The following INPP5D variants were observed in gnomAD, a reference collection of about 807,000 sequenced individuals.
INPP5D encodes inositol polyphosphate-5-phosphatase D.
In INPP5D, 33 loss-of-function variants were observed where a neutral mutation model predicts 122.9. The ratio of observed to expected loss-of-function variants is 0.27; its 90% CI spans 0.20 to 0.36. INPP5D has a LOEUF of 0.36. Among genes scored for constraint, INPP5D ranks in the 10% least tolerant of loss-of-function variants. The pLI is 1.00. For synonymous variants in INPP5D, 584 were observed against 576.2 expected (o/e 1.01, Z -0.19); for missense variants, 1,053 against 1,412.7 (o/e 0.75, Z 4.08).
intron 9 of INPP5D, among the ~76,000 whole-genome samples, chr2:233,155,640 AAATAAATAAATAAATAAAT>A (rs780231809): frequency 0.3 from 8,144 of 27,400 alleles, 460 homozygotes; most frequent in East Asian, 0.51. Flanking sequence ...ATAAATAAAT[AAATAAATAAATAAATAAAT>A]AATAAATAAA....
intron 22 of INPP5D, among the ~76,000 whole-genome samples, chr2:233,192,156 C>A (rs1257893169): frequency 6.6e-6 from 1 of 152,114 alleles, no homozygotes; most frequent in Non-Finnish European, 1.5e-5. Context: ...AATAGGGATC[C>A]CCTCGTCACG....
chr2:233,193,346 G>A (rs1165800406), intron 22 of INPP5D, among the ~76,000 whole-genome samples: 3 of 152,312 alleles, frequency 2.0e-5, no homozygotes, highest in Non-Finnish European at 2.9e-5. Context: ...TGTGTGAAAC[G>A]TCTGTCTGTA....
intron 13 of INPP5D, among the ~76,000 whole-genome samples, chr2:233,167,515 G>A (rs142699735): frequency 5.6e-4 from 85 of 152,248 alleles, no homozygotes; most frequent in Non-Finnish European, 1.1e-3. Flanking sequence ...CCAGGCTGTC[G>A]GGACTGGAAC....
Position 233,079,340 on chromosome 2 carries a change from G to A in INPP5D, c.140G>A (p.Arg47Gln), listed in dbSNP as rs1276858904. The A allele has an allele frequency of 4.4e-6, 7 of 1,597,392 alleles. No individual in the cohort carries two copies. The highest frequency in any genetic ancestry group is 1.7e-4 in the Middle Eastern group (1 of 6,036). The stretch of plus-strand genomic sequence containing the variant: ...AAGTCTTTGATCTATTTCAGGTATC[G>A]GAATTGCGTTTACACTTACAGAATT... ...SRAYALCVLY[R>Q]NCVYTYRILP... The change falls in exon 2 of 27, where the codon CGG becomes CAG. Residue 47 changes from arginine to glutamine, a missense_variant. This residue lies in a region of INPP5D where 74 missense variants were observed against 146.6 expected (regional missense o/e 0.50). Coordinates refer to ENST00000445964, the MANE Select transcript of INPP5D (RefSeq NM_001017915.3).
rs150961789 is a variant in INPP5D, at chr2:233,147,037, G to A, written c.907-434G>A. Among the ~76,000 whole-genome samples, 135 of 152,274 alleles carry A rather than the reference G, an allele frequency of 8.9e-4. 1 individual carries two copies. The highest frequency in any genetic ancestry group is 3.0e-3 in the African/African-American group (126 of 41,554). On this transcript the variant is annotated intron_variant, in intron 8 of 26. Coordinates refer to ENST00000445964, the MANE Select transcript of INPP5D (RefSeq NM_001017915.3). Reference sequence around the variant, plus strand: ...ATTTCCATTTTCTGAGCATGCCTACGCAACTGTTGTGGGTTTTCTTTTCTA... The same window carrying A: ...ATTTCCATTTTCTGAGCATGCCTACACAACTGTTGTGGGTTTTCTTTTCTA...
At chr2:233,156,858 G>T (rs1161231263) in intron 9 of INPP5D, among the ~76,000 whole-genome samples, 2 of 152,190 alleles carry the variant, frequency 1.3e-5, no homozygotes, top group Non-Finnish European at 2.9e-5. Flanking sequence ...ATCAGCTCTG[G>T]GAGTGGTGGG....
chr2:233,096,324 C>T (rs571535197), intron 2 of INPP5D, among the ~76,000 whole-genome samples: 3 of 152,198 alleles, frequency 2.0e-5, no homozygotes, highest in South Asian at 2.1e-4. Flanking sequence ...AATATGTGAT[C>T]GCAATATTTT....
chr2:233,148,845 TACA>T (rs1211142675), intron 9 of INPP5D, among the ~76,000 whole-genome samples: 4 of 152,304 alleles, frequency 2.6e-5, no homozygotes, highest in African/African-American at 7.2e-5. Context: ...TCTCTGTGGC[TACA>T]ACACTTTTTT....
At chr2:233,166,176 G>T (rs905812021) in intron 13 of INPP5D, among the ~76,000 whole-genome samples, 4 of 152,130 alleles carry the variant, frequency 2.6e-5, no homozygotes, top group African/African-American at 7.2e-5. Flanking sequence ...CAACCGCCCC[G>T]GGTGTGGATT....
chr2:233,061,370 G>A (rs112794938), intron 1 of INPP5D, among the ~76,000 whole-genome samples: 5 of 152,208 alleles, frequency 3.3e-5, no homozygotes, highest in East Asian at 1.9e-4. Context: ...CCTGTCCAGC[G>A]TCTGAAGGAG....
At chr2:233,145,209 G>A (rs1693726680) in intron 6 of INPP5D, 10 of 456,032 alleles carry the variant, frequency 2.2e-5, no homozygotes, top group South Asian at 1.4e-4. Flanking sequence ...ATAAGTGCAT[G>A]AGACCATGTA....
chr2:233,116,237 A>ATAGG (rs1692786797), intron 2 of INPP5D, among the ~76,000 whole-genome samples: 1 of 127,040 alleles, frequency 7.9e-6, no homozygotes, highest in Non-Finnish European at 1.7e-5. Flanking sequence ...AGATAGATAG[A>ATAGG]TAGATAGATA....
chr2:233,102,167 T>A (rs1692333268), intron 2 of INPP5D, among the ~76,000 whole-genome samples: 1 of 152,214 alleles, frequency 6.6e-6, no homozygotes, highest in African/African-American at 2.4e-5. Context: ...GGAGCTAAGA[T>A]TGACATTCGT....
chr2:233,086,119 C>CTTTCTTTCTTTCTTTCTTTCTTTCTT (rs1491216543), intron 2 of INPP5D, among the ~76,000 whole-genome samples: 1 of 93,828 alleles, frequency 1.1e-5, no homozygotes, highest in African/African-American at 4.0e-5. Context: ...ATAAGATAGC[C>CTTTCTTTCTTTCTTTCTTTCTTTCTT]TCTTTCTTTC....
chr2:233,075,488 A>T (rs368400789), intron 1 of INPP5D, among the ~76,000 whole-genome samples: 6 of 147,588 alleles, frequency 4.1e-5, no homozygotes, highest in Non-Finnish European at 7.6e-5. Flanking sequence ...TGCTTTAAAC[A>T]TTTTGCATGC....
rs1016621002 is a variant in INPP5D, at chr2:233,130,726, C to T, written c.665+78C>T. The stretch of plus-strand genomic sequence containing the variant: ...AAACAGCTCATGAGAGCGACCTCTG[C>T]CTCTGCCTGGCTGAACAAATGCCTC... On this transcript the variant is annotated intron_variant, in intron 5 of 26. Coordinates refer to ENST00000445964, the MANE Select transcript of INPP5D (RefSeq NM_001017915.3). 13 of 1,470,466 alleles carry T rather than the reference C, an allele frequency of 8.8e-6. No homozygotes were observed. The African/African-American group carries it at 1.5e-4, about 17-fold the overall frequency. 91.1% of individuals were successfully genotyped at this position (1,470,466 alleles called of 1,614,324 possible). A position where few individuals can be genotyped will look rare whatever the true frequency, so the allele number is the denominator to read the frequency against.
chr2:233,198,008 G>A, intron 24 of INPP5D, 87 bp from the exon 25 acceptor site: 1 of 1,447,644 alleles, frequency 6.9e-7, no homozygotes, highest in Non-Finnish European at 9.1e-7. Context: ...AGAGCCCTAG[G>A]GTTATCAGAG....
chr2:233,194,906 A>G (rs982473706), intron 23 of INPP5D, among the ~76,000 whole-genome samples: 2 of 151,870 alleles, frequency 1.3e-5, no homozygotes, highest in East Asian at 1.9e-4. Context: ...GGTTCAAGCA[A>G]TTCTCCTGCC....
chr2:233,061,693 T>A (rs190340341), intron 1 of INPP5D, among the ~76,000 whole-genome samples: 26 of 152,258 alleles, frequency 1.7e-4, no homozygotes, highest in Non-Finnish European at 3.5e-4. Flanking sequence ...AAAGTGAAGG[T>A]CCTGTTAAAA....
Sources: gnomAD v4.1 joint callset for allele counts (sites outside exome capture counted in the v4.1 genomes callset) on GRCh38, gnomAD v4.1.1 for gene constraint, gnomAD v4.1.1 regional missense constraint, MANE v1.5 for transcripts, NCBI Gene and HGNC (gene_info 2026-07-23, HGNC 2026-07-21) for gene names.